The following USH2A variants were observed in gnomAD, a reference collection of about 807,000 sequenced individuals.
USH2A encodes Usher syndrome 2A (autosomal recessive, mild).
USH2A carries 443 observed loss-of-function variants against 538.9 expected under a neutral mutation model. The ratio of observed to expected loss-of-function variants is 0.82; its 90% CI spans 0.76 to 0.89. The LOEUF is 0.89. Ranked by LOEUF, USH2A falls within the 40% of genes least tolerant of loss-of-function variation. The pLI is 0.00. For synonymous variants in USH2A, 2,413 were observed against 2,273.5 expected (o/e 1.06, Z -1.75); for missense variants, 6,633 against 6,324.8 (o/e 1.05, Z -1.65).
chr1:215,900,752 C>G lies in USH2A; in HGVS notation c.7451+3G>C. 4 of 1,613,512 alleles carry G rather than the reference C, an allele frequency of 2.5e-6. No homozygotes were observed. The highest frequency in any genetic ancestry group is 3.4e-6 in the Non-Finnish European group (4 of 1,179,696). On this transcript the variant is annotated splice_donor_region_variant and intron_variant, in intron 39 of 71. Coordinates refer to ENST00000307340, the MANE Select transcript of USH2A (RefSeq NM_206933.4). ...GATAGAATGGACAAAGTAGAATGCT[C>G]ACTCTAGAAATCCATGGGTGGAGTC... is the stretch of plus-strand genomic sequence containing the variant.
At chr1:216,132,803 A>G (rs301738) in intron 21 of USH2A, among the ~76,000 whole-genome samples, 150,996 of 152,226 alleles carry the variant, frequency 0.99, 74,895 homozygotes, top group East Asian at 1. Context: ...GGGACACATG[A>G]CACTTCAGAT....
chr1:215,879,128 G>A (rs775511854), intron 41 of USH2A, 30 bp from the exon 42 acceptor site: 1 of 1,585,796 alleles, frequency 6.3e-7, no homozygotes, highest in East Asian at 2.2e-5. Context: ...TAGAATCAGT[G>A]TGACGATACA....
chr1:216,067,368 A>G (rs978076815), intron 30 of USH2A, among the ~76,000 whole-genome samples: 5 of 152,024 alleles, frequency 3.3e-5, no homozygotes, highest in African/African-American at 1.2e-4. Context: ...ATACCTATGT[A>G]ACAAGCCTGC....
chr1:216,117,325 G>A (rs2033032886), intron 21 of USH2A, among the ~76,000 whole-genome samples: 1 of 152,026 alleles, frequency 6.6e-6, no homozygotes. Context: ...CATGTCAAAT[G>A]AATGAAAGAA....
intron 13 of USH2A, among the ~76,000 whole-genome samples, chr1:216,234,213 A>G (rs531399776): frequency 1.3e-3 from 199 of 152,280 alleles, no homozygotes; most frequent in African/African-American, 4.6e-3. Context: ...GTTACCAACA[A>G]TTGGGTTTTT....
rs1225877823 is a variant in USH2A, at chr1:215,640,077, A to C, written c.14968+481T>G. On this transcript the variant is annotated intron_variant, in intron 68 of 71. Transcript: ENST00000307340. ...AGAAGGAACTCCATTTTAGAGGGTC[A>C]AGATTGTTCTTTCAGGGGCTGATAT... Among the ~76,000 whole-genome samples the C allele has an allele frequency of 3.9e-5, 6 of 152,210 alleles. No individual in the cohort carries two copies. In the South Asian group the frequency reaches 6.2e-4, roughly 16 times the overall value.
chr1:216,260,458 C>T (rs2036348799), intron 11 of USH2A, among the ~76,000 whole-genome samples: 1 of 152,130 alleles, frequency 6.6e-6, no homozygotes, highest in African/African-American at 2.4e-5. Context: ...CCCAGAGGAA[C>T]TTTCTGGTTG....
Position 215,869,445 on chromosome 1 carries a change from A to G in USH2A, c.8682-2275T>C, listed in dbSNP as rs77027975. Reference sequence around the variant, plus strand: ...AATAGATTTTTGCTTACACATTCAAACAGTCTGGCCAAATTTCCTTTGCAA... The same window carrying G: ...AATAGATTTTTGCTTACACATTCAAGCAGTCTGGCCAAATTTCCTTTGCAA... On this transcript the variant is annotated intron_variant, in intron 43 of 71. Coordinates refer to ENST00000307340, the MANE Select transcript of USH2A (RefSeq NM_206933.4). 5.0e-4 allele frequency among the ~76,000 whole-genome samples: 76 copies of G among 152,254 alleles called. 1 individual carries two copies. The highest frequency in any genetic ancestry group is 1.5e-3 in the African/African-American group (64 of 41,546).
chr1:215,900,856 A>T lies in USH2A; in HGVS notation c.7350T>A (p.Ser2450Arg). Residue 2450 changes from serine to arginine, a missense_variant, in exon 39 of 72, where the codon AGT becomes AGA. Physicochemically the swap from Ser to Arg is moderately radical, Grantham distance 110. Transcript: ENST00000307340. ...PPRLSSATPT[S>R]LQVVWSTPAR... ...CTGGTGTAGACCAGACAACCTGAAG[A>T]CTGGTTGGAGTGGCAGATGAAAGCC... The T allele has an allele frequency of 6.2e-7, 1 of 1,613,692 alleles. No homozygotes were observed. The highest frequency in any genetic ancestry group is 2.2e-5 in the East Asian group (1 of 44,874).
intron 32 of USH2A, among the ~76,000 whole-genome samples, chr1:216,010,045 C>T (rs988434382): frequency 6.6e-6 from 1 of 152,166 alleles, no homozygotes; most frequent in Non-Finnish European, 1.5e-5. Context: ...TTTTATTACC[C>T]AATCTGCTCC....
At chr1:215,990,848 G>A (rs931298760) in intron 35 of USH2A, among the ~76,000 whole-genome samples, 11 of 132,714 alleles carry the variant, frequency 8.3e-5, no homozygotes, top group African/African-American at 5.7e-5. Context: ...CGCAAGCTCC[G>A]CCTCCCAGGT....
intron 3 of USH2A, among the ~76,000 whole-genome samples, chr1:216,392,707 T>G (rs1025245045): frequency 6.6e-6 from 1 of 152,098 alleles, no homozygotes; most frequent in African/African-American, 2.4e-5. Context: ...TTTAAAGATG[T>G]ACTATGGTTA....
chr1:216,409,807 T>C (rs937668993), intron 3 of USH2A, among the ~76,000 whole-genome samples: 2 of 151,934 alleles, frequency 1.3e-5, no homozygotes, highest in African/African-American at 4.8e-5. Flanking sequence ...ATTCTGGACA[T>C]AGGAAATAGG....
rs572908275 is a variant in USH2A at position 216,050,570 on chromosome 1, T to C, written c.6050-1923A>G. On this transcript the variant is annotated intron_variant, in intron 30 of 71. Coordinates refer to ENST00000307340, the MANE Select transcript of USH2A (RefSeq NM_206933.4). ...AGACAATTTGTATCTTTTTCTTTCTTTCTTTCTTTCTTTCTTTCTTTCTTT... is the reference window on the plus strand; with the variant it reads ...AGACAATTTGTATCTTTTTCTTTCTCTCTTTCTTTCTTTCTTTCTTTCTTT... Among the ~76,000 whole-genome samples the C allele has an allele frequency of 1.3e-3, 52 of 39,596 alleles. 1 individual carries two copies. Among genetic ancestry groups the C allele is most frequent in the African/African-American group, 4.3e-3 (50 of 11,526 alleles). 26.0% of individuals were successfully genotyped at this position (39,596 alleles called of 152,430 possible). A position where few individuals can be genotyped will look rare whatever the true frequency, so the allele number is the denominator to read the frequency against.
chr1:215,796,958 T>C (rs927572133), intron 50 of USH2A, among the ~76,000 whole-genome samples: 1 of 152,206 alleles, frequency 6.6e-6, no homozygotes, highest in Non-Finnish European at 1.5e-5. Context: ...TTATATCTTA[T>C]AAGGTATGTG....
At chr1:216,085,874 T>C (rs906168773) in intron 24 of USH2A, among the ~76,000 whole-genome samples, 2 of 152,124 alleles carry the variant, frequency 1.3e-5, no homozygotes, top group African/African-American at 4.8e-5. Context: ...CTCCTAAATT[T>C]GATGAACACT....
chr1:215,993,120 T>C lies in USH2A; in HGVS notation c.6705A>G (p.Leu2235=). Residue 2235 remains leucine, a synonymous_variant, in exon 35 of 72, where the codon CTA becomes CTG. Coordinates refer to ENST00000307340, the MANE Select transcript of USH2A (RefSeq NM_206933.4). Reference sequence around the variant, plus strand: ...CGCCTTCGGGTATGTCCTCGTCAGTTAGGGCCTCACTGGCCTCACTCACTG... The same window carrying C: ...CGCCTTCGGGTATGTCCTCGTCAGTCAGGGCCTCACTGGCCTCACTCACTG... ...GCTVSEASEA[L]TDEDIPEGVP... The C allele has an allele frequency of 6.2e-7, 1 of 1,614,038 alleles. No individual in the cohort carries two copies.
intron 15 of USH2A, 79 bp downstream of exon 15, chr1:216,217,308 A>G: frequency 6.3e-7 from 1 of 1,576,878 alleles, no homozygotes; most frequent in Non-Finnish European, 8.7e-7. Context: ...TGGGTTCTAA[A>G]TGGAGAAAGA....
chr1:216,054,470 A>G (rs1172721829), intron 30 of USH2A, among the ~76,000 whole-genome samples: 1 of 152,200 alleles, frequency 6.6e-6, no homozygotes, highest in Non-Finnish European at 1.5e-5. Context: ...GCAAAACAAC[A>G]GAGGAGTCTG....
Sources: gnomAD v4.1 joint callset for allele counts (sites outside exome capture counted in the v4.1 genomes callset) on GRCh38, gnomAD v4.1.1 for gene constraint, MANE v1.5 for transcripts, NCBI Gene and HGNC (gene_info 2026-07-23, HGNC 2026-07-21) for gene names.